The following HIVEP2 variants were observed in gnomAD, a reference collection of about 807,000 sequenced individuals.
HIVEP2 encodes transcription factor HIVEP2.
HIVEP2 carries 14 observed loss-of-function variants against 180.7 expected under a neutral mutation model. That is an observed-to-expected ratio of 0.08 (90% CI 0.05 to 0.12). The LOEUF is 0.12. Among genes scored for constraint, HIVEP2 ranks in the 10% least tolerant of loss-of-function variants. HIVEP2 has a pLI of 1.00. For missense variants in HIVEP2, 2,579 were observed against 3,008.5 expected (o/e 0.86, Z 3.34); for synonymous variants, 1,184 against 1,136.4 (o/e 1.04, Z -0.84).
intron 2 of HIVEP2, among the ~76,000 whole-genome samples, chr6:142,822,877 T>C (rs1777077695): frequency 6.6e-6 from 1 of 152,224 alleles, no homozygotes; most frequent in Admixed American, 6.5e-5. Context: ...ACCCAAACAC[T>C]ATCAAGCCCT....
intron 1 of HIVEP2, among the ~76,000 whole-genome samples, chr6:142,884,657 G>A (rs1177887134): frequency 6.6e-6 from 1 of 152,114 alleles, no homozygotes; most frequent in Non-Finnish European, 1.5e-5. Flanking sequence ...GACAGGAAGA[G>A]AAAGAAGAGG....
chr6:142,924,264 C>A (rs190129876), intron 1 of HIVEP2, among the ~76,000 whole-genome samples: 1 of 152,158 alleles, frequency 6.6e-6, no homozygotes, highest in South Asian at 2.1e-4. Context: ...AAATTATGAC[C>A]GAAGACTACA....
rs1267945432 is a variant in HIVEP2, at chr6:142,753,421, C to T, written c.7027G>A (p.Ala2343Thr). ...IASLRIATEE[A>T]ALLGPDQPAR... The stretch of plus-strand genomic sequence containing the variant: ...GGCTGATCTGGCCCGAGCAGAGCTG[C>T]CTCTTCCGTGGCAATCCGGAGAGAG... Residue 2343 changes from alanine to threonine, a missense_variant, in exon 10 of 10, where the codon GCA becomes ACA. Ala to Thr is a moderately conservative substitution (Grantham distance 58). Around this residue, in one of 11 missense-constraint regions of HIVEP2, gnomAD observed 660 missense variants for 731.7 expected, o/e 0.90. Coordinates refer to ENST00000367603, the MANE Select transcript of HIVEP2 (RefSeq NM_006734.4). 6 of 1,613,990 alleles carry T rather than the reference C, an allele frequency of 3.7e-6. No individual in the cohort carries two copies. In the Admixed American group the frequency reaches 8.3e-5, roughly 22 times the overall value.
chr6:142,896,657 A>G (rs1261651311), intron 1 of HIVEP2, among the ~76,000 whole-genome samples: 3 of 152,248 alleles, frequency 2.0e-5, no homozygotes, highest in South Asian at 2.1e-4. Flanking sequence ...AAGAAAAAAC[A>G]ATAAAATAAT....
At chr6:142,845,309 A>G (rs1240397490) in intron 1 of HIVEP2, among the ~76,000 whole-genome samples, 23 of 152,140 alleles carry the variant, frequency 1.5e-4, no homozygotes, top group Non-Finnish European at 2.1e-4. Flanking sequence ...CTAGAAGCAG[A>G]TATGGTTTAC....
chr6:142,762,768 T>C lies in HIVEP2; in HGVS notation c.5519-1203A>G, dbSNP rs560972348. Among the ~76,000 whole-genome samples the C allele has an allele frequency of 3.5e-4, 54 of 152,320 alleles. 1 individual carries two copies. Among genetic ancestry groups the C allele is most frequent in the Non-Finnish European group, 6.5e-4 (44 of 68,034 alleles). ...CACAGTTAAAACTGGGACACTGTTG[T>C]TTATTATTTTACTCATATTGCTTTA... is the stretch of plus-strand genomic sequence containing the variant. On this transcript the variant is annotated intron_variant, in intron 7 of 9. Coordinates refer to ENST00000367603, the MANE Select transcript of HIVEP2 (RefSeq NM_006734.4).
chr6:142,764,691 A>G, intron 7 of HIVEP2, 108 bp downstream of exon 7: 1 of 850,642 alleles, frequency 1.2e-6, no homozygotes, highest in Non-Finnish European at 1.9e-6. Flanking sequence ...TCATATTTTC[A>G]CAAACAAACT....
At chr6:142,811,920 G>A (rs1236180547) in intron 2 of HIVEP2, among the ~76,000 whole-genome samples, 1 of 152,208 alleles carries the variant, frequency 6.6e-6, no homozygotes, top group Non-Finnish European at 1.5e-5. Context: ...TAGACAACAT[G>A]CATGAAACAA....
intron 1 of HIVEP2, among the ~76,000 whole-genome samples, chr6:142,899,030 G>A (rs988571294): frequency 7.2e-5 from 11 of 152,062 alleles, no homozygotes; most frequent in African/African-American, 2.4e-4. Flanking sequence ...AATGCTAATC[G>A]GAATATGTCC....
chr6:142,785,778 C>T (rs192050290), intron 2 of HIVEP2, among the ~76,000 whole-genome samples: 1 of 152,250 alleles, frequency 6.6e-6, no homozygotes, highest in Non-Finnish European at 1.5e-5. Flanking sequence ...CCCCTTTTTA[C>T]CCGGTAAGAG....
chr6:142,796,499 G>T lies in HIVEP2; in HGVS notation c.-527-12884C>A, dbSNP rs543110142. On this transcript the variant is annotated intron_variant, in intron 2 of 9. Coordinates refer to ENST00000367603, the MANE Select transcript of HIVEP2 (RefSeq NM_006734.4). ...GTTATTAAGAAAATCATAAGGAAGT[G>T]AAAATAAATTTACTGTACTGTACTG... is the stretch of plus-strand genomic sequence containing the variant. Among the ~76,000 whole-genome samples, 14 of 152,214 alleles carry T rather than the reference G, an allele frequency of 9.2e-5. 1 individual carries two copies. In the South Asian group the frequency reaches 2.9e-3, roughly 32 times the overall value.
At chr6:142,816,969 G>C (rs572274084) in intron 2 of HIVEP2, among the ~76,000 whole-genome samples, 1 of 152,168 alleles carries the variant, frequency 6.6e-6, no homozygotes, top group South Asian at 2.1e-4. Context: ...GTTGAAGAAT[G>C]ACAGCTCCTT....
chr6:142,863,515 T>C (rs1028189214), intron 1 of HIVEP2, among the ~76,000 whole-genome samples: 8 of 152,198 alleles, frequency 5.3e-5, no homozygotes, highest in African/African-American at 1.9e-4. Flanking sequence ...GCATATCTGA[T>C]AAAATATTAC....
chr6:142,771,842 C>T lies in HIVEP2; in HGVS notation c.2897G>A (p.Ser966Asn). 1 of 1,614,202 alleles carries T rather than the reference C, an allele frequency of 6.2e-7. No individual in the cohort carries two copies. Among genetic ancestry groups the T allele is most frequent in the Non-Finnish European group, 8.5e-7 (1 of 1,180,040 alleles). ...GGACAAGTTGCTTTCTTGGCTGGGGCTGCGGGAGAGGCCTGTGCCTGTGGA... is the reference window on the plus strand; with the variant it reads ...GGACAAGTTGCTTTCTTGGCTGGGGTTGCGGGAGAGGCCTGTGCCTGTGGA... ...FESTGTGLSR[S>N]PSQESNLSHS... The change falls in exon 5 of 10, where the codon AGC (serine) becomes AAC (asparagine). Residue 966 changes from serine (S) to asparagine (N), a missense_variant. Physicochemically the swap from Ser to Asn is conservative, Grantham distance 46. Coordinates refer to ENST00000367603, the MANE Select transcript of HIVEP2 (RefSeq NM_006734.4). The surrounding 1 kb of genome is among the most constrained non-coding windows in gnomAD (Gnocchi z 5.4).
chr6:142,928,726 G>T (rs1777872458), intron 1 of HIVEP2, among the ~76,000 whole-genome samples: 2 of 152,020 alleles, frequency 1.3e-5, no homozygotes. Flanking sequence ...CAAGAAATAG[G>T]CTCAGAGAAC....
intron 1 of HIVEP2, among the ~76,000 whole-genome samples, chr6:142,921,016 A>C (rs767243559): frequency 6.6e-6 from 1 of 152,056 alleles, no homozygotes; most frequent in African/African-American, 2.4e-5. Flanking sequence ...CTTTTCCCCA[A>C]TTTATTCATT....
intron 2 of HIVEP2, among the ~76,000 whole-genome samples, chr6:142,836,214 A>T (rs774663362): frequency 1.2e-4 from 19 of 152,060 alleles, no homozygotes; most frequent in Admixed American, 3.3e-4. Flanking sequence ...TGGATTTTTT[A>T]AAAAAATTAC....
intron 1 of HIVEP2, among the ~76,000 whole-genome samples, chr6:142,897,844 C>T (rs1217938199): frequency 1.3e-5 from 2 of 152,282 alleles, no homozygotes; most frequent in African/African-American, 2.4e-5. Flanking sequence ...CCTTGAGCCA[C>T]CTCTTATTCA....
At chr6:142,845,844 G>C (rs565588895) in intron 1 of HIVEP2, among the ~76,000 whole-genome samples, 1 of 152,184 alleles carries the variant, frequency 6.6e-6, no homozygotes, top group Non-Finnish European at 1.5e-5. Context: ...GCCCTCCCCC[G>C]GACAACAAGC....
Sources: gnomAD v4.1 joint callset for allele counts (sites outside exome capture counted in the v4.1 genomes callset) on GRCh38, gnomAD v4.1.1 for gene constraint, gnomAD v4.1.1 regional missense constraint, Gnocchi (gnomAD v3.1) non-coding constraint, MANE v1.5 for transcripts, NCBI Gene and HGNC (gene_info 2026-07-23, HGNC 2026-07-21) for gene names.